ARHGEF10: variants seen among roughly 807,000 people sequenced by gnomAD.
ARHGEF10 encodes Rho guanine nucleotide exchange factor (GEF) 10.
ARHGEF10 carries 140 observed loss-of-function variants against 147.4 expected under a neutral mutation model. That is an observed-to-expected ratio of 0.95 (90% CI 0.83 to 1.09). ARHGEF10 has a LOEUF of 1.09. Ranked by LOEUF, ARHGEF10 falls within the 50% of genes least tolerant of loss-of-function variation. The pLI, the probability that ARHGEF10 is intolerant of heterozygous loss-of-function variation, is 0.00. For synonymous variants in ARHGEF10, 902 were observed against 695.8 expected (o/e 1.30, Z -4.67); for missense variants, 2,222 against 1,752.7 (o/e 1.27, Z -4.78).
In ARHGEF10 at chr8:1,957,199, A is replaced by C; in HGVS notation, c.3971A>C (p.Gln1324Pro). 24 of 1,612,404 alleles carry C rather than the reference A, an allele frequency of 1.5e-5. No homozygotes were observed. The highest frequency in any genetic ancestry group is 2.0e-5 in the Non-Finnish European group (24 of 1,179,966). Reference protein sequence around the residue: ...GHRRVHRKARQPHQEELAPTV... With the variant: ...GHRRVHRKARPPHQEELAPTV... ...CGCCGGGTGCACAGGAAGGCCCGGC[A>C]GCCCCACCAGGAAGAGCTGGCGCCG... Residue 1324 changes from glutamine (Q) to proline (P), a missense_variant, in exon 29 of 29, where the codon CAG becomes CCG. Coordinates refer to ENST00000349830, the MANE Select transcript of ARHGEF10 (RefSeq NM_014629.4).
At chr8:1,849,886 G>C (rs1465492313) in intron 2 of ARHGEF10, among the ~76,000 whole-genome samples, 13 of 142,014 alleles carry the variant, frequency 9.2e-5, no homozygotes, top group Non-Finnish European at 1.8e-4. Context: ...AGGGCGTGGG[G>C]CGACCATGTG....
intron 6 of ARHGEF10, among the ~76,000 whole-genome samples, chr8:1,867,380 A>G (rs577036795): frequency 6.6e-6 from 1 of 152,242 alleles, no homozygotes; most frequent in Non-Finnish European, 1.5e-5. Context: ...TAGATTTCAA[A>G]AACAGGAAAC....
chr8:1,930,263 G>A (rs915526776), intron 25 of ARHGEF10, among the ~76,000 whole-genome samples: 4 of 152,014 alleles, frequency 2.6e-5, no homozygotes, highest in Non-Finnish European at 4.4e-5. Flanking sequence ...CCACGGCCGG[G>A]AGCGACGCCT....
chr8:1,872,953 A>AC (rs1396518325), intron 7 of ARHGEF10, among the ~76,000 whole-genome samples: 2 of 151,454 alleles, frequency 1.3e-5, no homozygotes, highest in South Asian at 4.1e-4. Flanking sequence ...TGATGTAAAA[A>AC]CAAGTTTGAA....
intron 27 of ARHGEF10, among the ~76,000 whole-genome samples, chr8:1,950,780 A>G (rs1465545790): frequency 7.4e-5 from 8 of 108,802 alleles, no homozygotes; most frequent in African/African-American, 7.4e-5. Flanking sequence ...GGGTTTCACT[A>G]TGTTGGCCAG....
At chr8:1,925,476 G>C in intron 22 of ARHGEF10, 72 bp downstream of exon 22, 1 of 1,594,918 alleles carries the variant, frequency 6.3e-7, no homozygotes, top group Non-Finnish European at 8.6e-7. Flanking sequence ...CTTGGGAGAT[G>C]ATTCTTAAGG....
chr8:1,879,083 C>G (rs1426372708), intron 8 of ARHGEF10, among the ~76,000 whole-genome samples: 4 of 152,204 alleles, frequency 2.6e-5, no homozygotes, highest in Non-Finnish European at 4.4e-5. Context: ...CAAAATAAAA[C>G]TATATGTTGT....
intron 18 of ARHGEF10, among the ~76,000 whole-genome samples, chr8:1,920,539 G>C (rs1040405452): frequency 6.6e-6 from 1 of 151,964 alleles, no homozygotes; most frequent in South Asian, 2.1e-4. Context: ...TGTTGCCCAG[G>C]CTGGTCTTGA....
intron 1 of ARHGEF10, among the ~76,000 whole-genome samples, chr8:1,834,372 G>A (rs778678547): frequency 3.3e-5 from 5 of 152,178 alleles, no homozygotes; most frequent in Non-Finnish European, 7.3e-5. Context: ...GTCTCAGTCC[G>A]AGGTGAGCAG....
At chr8:1,934,875 A>C (rs1813447395) in intron 26 of ARHGEF10, among the ~76,000 whole-genome samples, 1 of 152,216 alleles carries the variant, frequency 6.6e-6, no homozygotes, top group African/African-American at 2.4e-5. Context: ...TATGTGTATC[A>C]AATATTTATG....
chr8:1,836,893 C>T (rs1482200395), intron 1 of ARHGEF10, among the ~76,000 whole-genome samples: 1 of 152,110 alleles, frequency 6.6e-6, no homozygotes, highest in East Asian at 1.9e-4. Context: ...CAGGGGTTTC[C>T]ACTTTTGCTT....
At chr8:1,888,034 G>A (rs576957306) in intron 11 of ARHGEF10, among the ~76,000 whole-genome samples, 1 of 147,592 alleles carries the variant, frequency 6.8e-6, no homozygotes, top group South Asian at 2.3e-4. Context: ...CACTGAGTAG[G>A]GTGAGGGTTG....
chr8:1,849,273 G>A (rs961274890), intron 2 of ARHGEF10, among the ~76,000 whole-genome samples: 4 of 152,042 alleles, frequency 2.6e-5, no homozygotes, highest in African/African-American at 7.2e-5. Context: ...TGAGAAGGGC[G>A]TAGGGCGGCC....
intron 10 of ARHGEF10, among the ~76,000 whole-genome samples, chr8:1,883,486 GT>G (rs1233560472): frequency 2.0e-5 from 3 of 152,138 alleles, no homozygotes; most frequent in Non-Finnish European, 4.4e-5. Context: ...GCTAATATCT[GT>G]ACTTGGAAGG....
At chr8:1,831,074 T>C (rs781420898) in intron 1 of ARHGEF10, among the ~76,000 whole-genome samples, 21 of 152,196 alleles carry the variant, frequency 1.4e-4, no homozygotes, top group African/African-American at 5.1e-4. Context: ...GGAAGAAGCC[T>C]TGGAGGCTCT....
intron 11 of ARHGEF10, among the ~76,000 whole-genome samples, chr8:1,893,261 C>T (rs1809698962): frequency 6.6e-6 from 1 of 152,126 alleles, no homozygotes; most frequent in African/African-American, 2.4e-5. Context: ...ATGTTGGATA[C>T]ATAAAATACA....
At chr8:1,863,857 A>T (rs1196281292) in intron 4 of ARHGEF10, among the ~76,000 whole-genome samples, 1 of 151,758 alleles carries the variant, frequency 6.6e-6, no homozygotes, top group Non-Finnish European at 1.5e-5. Context: ...TTGCGTGTGG[A>T]GGGATGTGAG....
intron 26 of ARHGEF10, 58 bp from the exon 27 acceptor site, chr8:1,945,423 C>T: frequency 1.3e-6 from 2 of 1,546,600 alleles, no homozygotes; most frequent in Non-Finnish European, 1.8e-6. Flanking sequence ...GTGGACCCAA[C>T]AGGCCCCACT....
At chr8:1,946,961 C>A (rs1814642417) in intron 27 of ARHGEF10, among the ~76,000 whole-genome samples, 1 of 152,236 alleles carries the variant, frequency 6.6e-6, no homozygotes. Flanking sequence ...CAGGAGATTT[C>A]TCTTAGTGAG....
Sources: allele counts gnomAD v4.1 joint callset (sites outside exome capture counted in the v4.1 genomes callset), GRCh38; gene constraint gnomAD v4.1.1; transcripts MANE v1.5; gene names NCBI Gene and HGNC (gene_info 2026-07-23, HGNC 2026-07-21).